Variants in ITPR3 observed in about 807,000 individuals in gnomAD.
ITPR3 encodes inositol 1,4,5-trisphosphate receptor type 3.
ITPR3 carries 173 observed loss-of-function variants against 293.2 expected under a neutral mutation model. The ratio of observed to expected loss-of-function variants is 0.59; its 90% CI spans 0.52 to 0.67. The LOEUF (loss-of-function observed/expected upper bound fraction) is 0.67, where lower values mean the gene tolerates loss of function less well. Among genes scored for constraint, ITPR3 ranks in the 30% least tolerant of loss-of-function variants. ITPR3 has a pLI of 0.00. For synonymous variants in ITPR3, 1,295 were observed against 1,444.4 expected, an observed-to-expected ratio of 0.90 and a Z score of 2.35; for missense variants, 2,796 against 3,592.1, an observed-to-expected ratio of 0.78 and a Z score of 5.66.
At chr6:33,652,620 C>G (rs1830873) in intron 2 of ITPR3, among the ~76,000 whole-genome samples, 71,222 of 151,760 alleles carry the variant, frequency 0.47, 17,414 homozygotes, top group East Asian at 0.76. Context: ...TGCGTGCCAC[C>G]ATGCCCGACT....
chr6:33,668,339 C>T (rs1168050897), intron 16 of ITPR3, among the ~76,000 whole-genome samples, 176 bp from the exon 17 acceptor site: 1 of 152,206 alleles, frequency 6.6e-6, no homozygotes, highest in Non-Finnish European at 1.5e-5. Context: ...GGGTGATGCC[C>T]TGGGGCTTTC....
chr6:33,678,537 G>A lies in ITPR3; in HGVS notation c.3765G>A (p.Thr1255=), dbSNP rs766762742. The A allele has an allele frequency of 5.0e-6, 8 of 1,604,302 alleles. No homozygotes were observed. The highest frequency in any genetic ancestry group is 1.7e-5 in the Admixed American group (1 of 59,442). Reference sequence around the variant, plus strand: ...ACAAACACCTGCACCTCTTCCTCACGCCAGGGGTGAGGGTGCAGGGCTGGG... The same window carrying A: ...ACAAACACCTGCACCTCTTCCTCACACCAGGGGTGAGGGTGCAGGGCTGGG... ...LLHKHLHLFL[T]PGLLEAETMQ... Residue 1255 remains threonine, a synonymous_variant, in exon 29 of 58, where the codon ACG becomes ACA. Coordinates refer to ENST00000605930, the MANE Select transcript of ITPR3 (RefSeq NM_002224.4).
chr6:33,642,615 C>T (rs1763976108), intron 2 of ITPR3, among the ~76,000 whole-genome samples: 1 of 152,092 alleles, frequency 6.6e-6, no homozygotes, highest in African/African-American at 2.4e-5. Context: ...AGCCACTTAG[C>T]AGAACAAATG....
In ITPR3 at chr6:33,640,520, C is replaced by T. The variant is rs141205726; in HGVS notation, c.126C>T (p.Ala42=). 13 of 1,613,646 alleles carry T rather than the reference C, an allele frequency of 8.1e-6. No individual in the cohort carries two copies. Among genetic ancestry groups the T allele is most frequent in the South Asian group, 4.4e-5 (4 of 91,050 alleles). The change falls in exon 2 of 58, where the codon GCC becomes GCT. Residue 42 remains alanine, a synonymous_variant. Coordinates refer to ENST00000605930, the MANE Select transcript of ITPR3 (RefSeq NM_002224.4). ...ACCGCTGTGTGGTGGAGCCCGCGGC[C>T]GGGGACCTGGACAACCCCCCTAAGA... ...VDDRCVVEPA[A]GDLDNPPKKF...
chr6:33,629,120 A>T lies in ITPR3; in HGVS notation c.89+7429A>T, dbSNP rs560302502. On this transcript the variant is annotated intron_variant, in intron 1 of 57. Transcript: ENST00000605930. ...TCAGGAAAAGTAGTGGGAAGCATTT[A>T]GAACACCAATTTGCTTACCACCTAG... is the stretch of plus-strand genomic sequence containing the variant. Among the ~76,000 whole-genome samples the T allele has an allele frequency of 1.2e-4, 18 of 152,368 alleles. No homozygotes were observed. In the South Asian group the frequency reaches 3.5e-3, roughly 30 times the overall value.
At chr6:33,674,293 G>A (rs752353021) in intron 24 of ITPR3, 28 bp downstream of exon 24, 4 of 1,611,746 alleles carry the variant, frequency 2.5e-6, no homozygotes, top group Non-Finnish European at 3.4e-6. Context: ...CTGCAGGGGT[G>A]TGTGGGGTTG....
In ITPR3 at chr6:33,666,044, G is replaced by C; in HGVS notation, c.1551+68G>C. The C allele has an allele frequency of 6.6e-7, 1 of 1,523,072 alleles. No homozygotes were observed. The highest frequency in any genetic ancestry group is 8.9e-7 in the Non-Finnish European group (1 of 1,125,942). The allele number at this position is 1,523,072 out of a possible 1,614,324, so 94.3% of individuals were successfully genotyped here. On this transcript the variant is annotated intron_variant, in intron 14 of 57. Coordinates refer to ENST00000605930, the MANE Select transcript of ITPR3 (RefSeq NM_002224.4). The surrounding 1 kb of genome is among the most constrained non-coding windows in gnomAD (Gnocchi z 5.1). ...CGGGAGAGGGATGCCTTCAACTGCA[G>C]GCTCATCCCCCGCTTTAACAAAAAT...
rs980012249 is a variant in ITPR3 at position 33,688,146 on chromosome 6, G to C, written c.6354G>C (p.Glu2118Asp). 1.2e-6 allele frequency: 2 copies of C among 1,614,172 alleles called. No individual in the cohort carries two copies. The highest frequency in any genetic ancestry group is 1.3e-5 in the African/African-American group (1 of 75,076). The change falls in exon 47 of 58, where the codon GAG becomes GAC. Residue 2118 changes from glutamate to aspartate, a missense_variant. Around this residue, in one of 8 missense-constraint regions of ITPR3, gnomAD observed 568 missense variants for 796.1 expected, o/e 0.71. Transcript: ENST00000605930. ...EEEEDPLAYY[E>D]NHTSQIEIVR... ...AGGAAGACCCCCTGGCCTACTATGA[G>C]AACCACACGTCCCAGATCGAGGTGG...
chr6:33,635,850 G>T (rs578085391), intron 1 of ITPR3, among the ~76,000 whole-genome samples: 2 of 151,358 alleles, frequency 1.3e-5, no homozygotes, highest in African/African-American at 4.9e-5. Context: ...GGGGAAGGGG[G>T]ATGGGGAGGA....
At position 33,685,627 on chromosome 6, in the gene ITPR3, C is replaced by G. The variant is rs1765206161; in HGVS notation, c.5483-16C>G. The G allele has an allele frequency of 1.3e-6, 2 of 1,581,210 alleles. No individual in the cohort carries two copies. The highest frequency in any genetic ancestry group is 2.3e-5 in the East Asian group (1 of 44,402). ...AGGGGGTGGGCAGCTCCAGCCTCAC[C>G]AGGTCTCGCCCACAGGCCGCGTGGC... is the stretch of plus-strand genomic sequence containing the variant. On this transcript the variant is annotated splice_polypyrimidine_tract_variant and intron_variant, in intron 40 of 57. Transcript: ENST00000605930.
Position 33,685,375 on chromosome 6 carries a change from T to G in ITPR3, c.5324T>G (p.Leu1775Arg). Residue 1775 changes from leucine to arginine, a missense_variant, in exon 40 of 58, where the codon CTG becomes CGG. Around this residue, in one of 8 missense-constraint regions of ITPR3, gnomAD observed 704 missense variants for 797.5 expected, o/e 0.88. Coordinates refer to ENST00000605930, the MANE Select transcript of ITPR3 (RefSeq NM_002224.4). ...CACCTCCAGAAATCCTTCCACAACC[T>G]GATGATGAGTGACAAGAAGTCAGAG... ...NTEIQKSFHN[L>R]MMSDKKSERF... The G allele has an allele frequency of 6.2e-7, 1 of 1,612,064 alleles. No individual in the cohort carries two copies. Among genetic ancestry groups the G allele is most frequent in the South Asian group, 1.1e-5 (1 of 91,020 alleles).
chr6:33,671,971 C>T lies in ITPR3; in HGVS notation c.2729-58C>T, dbSNP rs1231738618. On this transcript the variant is annotated intron_variant, in intron 21 of 57. Coordinates refer to ENST00000605930, the MANE Select transcript of ITPR3 (RefSeq NM_002224.4). ...TCTGCCTCCCTCATCAGACCAGGGA[C>T]CCCTGTGTACAGCCTCTACAACCTC... 4 of 1,471,892 alleles carry T rather than the reference C, an allele frequency of 2.7e-6. No individual in the cohort carries two copies. The African/African-American group carries it at 4.2e-5, about 16-fold the overall frequency. 91.2% of individuals were successfully genotyped at this position (1,471,892 alleles called of 1,614,324 possible).
chr6:33,694,221 T>C (rs1001418326), intron 56 of ITPR3: 2 of 156,854 alleles, frequency 1.3e-5, no homozygotes, highest in Admixed American at 6.2e-5. Context: ...TAAAAATCAC[T>C]TACAGAAATC....
intron 48 of ITPR3, 107 bp from the exon 49 acceptor site, chr6:33,688,549 G>A: frequency 6.5e-7 from 1 of 1,540,894 alleles, no homozygotes; most frequent in Non-Finnish European, 8.7e-7. Flanking sequence ...TCACCCCAAG[G>A]AAGGGCTCTT....
At chr6:33,685,557 C>T (rs200889213) in intron 40 of ITPR3, 24 bp downstream of exon 40, 30 of 1,605,144 alleles carry the variant, frequency 1.9e-5, no homozygotes, top group African/African-American at 2.7e-5. Context: ...GGCAGAGGCA[C>T]GGCGTGACGG....
In ITPR3 at chr6:33,682,293, A is replaced by G. The variant is rs762069220; in HGVS notation, c.4477-231A>G. ...TTTTAAAAGGGTCAGCAACATGGCT[A>G]TGAGCCCACGGCCTTGGTGAGTTAC... On this transcript the variant is annotated intron_variant, in intron 33 of 57. Transcript: ENST00000605930. The surrounding 1 kb of genome is among the most constrained non-coding windows in gnomAD (Gnocchi z 5.4). Among the ~76,000 whole-genome samples the G allele has an allele frequency of 6.6e-6, 1 of 152,262 alleles. No individual in the cohort carries two copies. The highest frequency in any genetic ancestry group is 1.9e-4 in the East Asian group (1 of 5,202).
At position 33,680,150 on chromosome 6, in the gene ITPR3, T is replaced by C. The variant is rs896409141; in HGVS notation, c.4224+17T>C. On this transcript the variant is annotated intron_variant, in intron 31 of 57. Coordinates refer to ENST00000605930, the MANE Select transcript of ITPR3 (RefSeq NM_002224.4). ...ATCACTGAGGTGGGGATCGGGAGAC[T>C]GGGCAAGACGGCTGGAGATGGGGCG... 1 of 1,607,194 alleles carries C rather than the reference T, an allele frequency of 6.2e-7. No individual in the cohort carries two copies. The highest frequency in any genetic ancestry group is 1.1e-5 in the South Asian group (1 of 90,942).
intron 2 of ITPR3, among the ~76,000 whole-genome samples, chr6:33,644,928 T>A (rs1465008451): frequency 6.7e-6 from 1 of 150,124 alleles, no homozygotes; most frequent in Non-Finnish European, 1.5e-5. Flanking sequence ...CCTCCCAAAG[T>A]GTTGGGATTA....
Position 33,659,540 on chromosome 6 carries a change from G to T in ITPR3, c.702G>T (p.Val234=), listed in dbSNP as rs147562464. Residue 234 remains valine (V), a synonymous_variant, in exon 7 of 58, where the codon GTG becomes GTT. Coordinates refer to ENST00000605930, the MANE Select transcript of ITPR3 (RefSeq NM_002224.4). ...FMQFRDHLEE[V]LKGGDVVRLF... ...AGTTTCGGGACCACCTGGAGGAGGT[G>T]TTGAAAGGGGTAAGGACTGGGAACC... 13 of 1,613,754 alleles carry T rather than the reference G, an allele frequency of 8.1e-6. No homozygotes were observed. In the African/African-American group the frequency reaches 1.7e-4, roughly 22 times the overall value.
Sources: gnomAD v4.1 joint callset for allele counts (sites outside exome capture counted in the v4.1 genomes callset) on GRCh38, gnomAD v4.1.1 for gene constraint, gnomAD v4.1.1 regional missense constraint, Gnocchi (gnomAD v3.1) non-coding constraint, MANE v1.5 for transcripts, NCBI Gene and HGNC (gene_info 2026-07-23, HGNC 2026-07-21) for gene names.